The following ERG variants were observed in gnomAD, a reference collection of about 807,000 sequenced individuals.
ERG encodes the protein transcriptional regulator ERG.
Under a neutral mutation model 55.3 loss-of-function variants are expected in ERG, and 9 were observed. The ratio of observed to expected loss-of-function variants is 0.16; its 90% CI spans 0.10 to 0.28. ERG has a LOEUF of 0.28. Among genes scored for constraint, ERG ranks in the 10% least tolerant of loss-of-function variants. The pLI, the probability that ERG is intolerant of heterozygous loss-of-function variation, is 1.00. For synonymous variants in ERG, 223 were observed against 237.3 expected (o/e 0.94, Z 0.55); for missense variants, 434 against 631.6 (o/e 0.69, Z 3.35).
At chr21:38,549,105 T>G (rs1006910371) in intron 2 of ERG, among the ~76,000 whole-genome samples, 11 of 151,808 alleles carry the variant, frequency 7.2e-5, no homozygotes, top group African/African-American at 2.7e-4. Flanking sequence ...AGAGCAAGAC[T>G]CTGTCTCAAA....
At chr21:38,499,499 G>A (rs1443416573), upstream of ERG, among the ~76,000 whole-genome samples, 1 of 152,032 alleles carries the variant, frequency 6.6e-6, no homozygotes, top group Non-Finnish European at 1.5e-5. Flanking sequence ...CCATAAAGAG[G>A]TGTGGTCTCA....
rs193252199 is a variant in ERG, at chr21:38,569,174, C to T, written c.-41+6488G>A. ...TTTTTGATCCCTTCTCTCCCTCCCC[C>T]CCCACCCCCAGTGGGGTACATGGAA... On this transcript the variant is annotated intron_variant, in intron 2 of 8. Transcript: ENST00000398897. Among the ~76,000 whole-genome samples, 63 of 152,346 alleles carry T rather than the reference C, an allele frequency of 4.1e-4. No homozygotes were observed. The East Asian group carries it at 0.011, about 27-fold the overall frequency.
At chr21:38,538,714 A>C (rs2059729487) in intron 2 of ERG, among the ~76,000 whole-genome samples, 1 of 152,174 alleles carries the variant, frequency 6.6e-6, no homozygotes, top group African/African-American at 2.4e-5. Flanking sequence ...ATGACTGGCC[A>C]GCAGGCTGGG....
chr21:38,463,722 C>T (rs908587766), intron 1 of ERG, among the ~76,000 whole-genome samples: 2 of 152,158 alleles, frequency 1.3e-5, no homozygotes, highest in Admixed American at 6.5e-5. Flanking sequence ...GGCCACCCCT[C>T]GTGAGCTGGG....
At position 38,613,459 on chromosome 21, in the gene ERG, G is replaced by T. The variant is rs73440490; in HGVS notation, c.-149-28514C>A. On this transcript the variant is annotated intron_variant, in intron 1 of 10. Coordinates refer to the ERG transcript ENST00000398910. ...AAGCAGTCCTTATAGAAATCATGAC[G>T]TTCTTTTCCTTTGTTTGCAGTAGGT... Among the ~76,000 whole-genome samples the T allele has an allele frequency of 3.2e-3, 485 of 152,290 alleles. 5 individuals are homozygous for T. Among genetic ancestry groups the T allele is most frequent in the African/African-American group, 0.011 (449 of 41,552 alleles).
At chr21:38,649,913 G>A (rs570934345) in intron 1 of ERG, among the ~76,000 whole-genome samples, 5 of 152,302 alleles carry the variant, frequency 3.3e-5, no homozygotes, top group Admixed American at 2.0e-4. Context: ...AATGCTAGAC[G>A]CGAGAACACA....
intron 8 of ERG, among the ~76,000 whole-genome samples, chr21:38,391,268 C>G (rs1797686056): frequency 6.6e-6 from 1 of 152,144 alleles, no homozygotes; most frequent in East Asian, 1.9e-4. Flanking sequence ...TGGATTCAAC[C>G]CCAGGATCCT....
chr21:38,452,444 AT>A, intron 1 of ERG, among the ~76,000 whole-genome samples: 1 of 152,390 alleles, frequency 6.6e-6, no homozygotes, highest in South Asian at 2.1e-4. Context: ...CAGATATACA[AT>A]ACATAATGTA....
At position 38,381,967 on chromosome 21, in the gene ERG, CAT is replaced by C. The variant is rs1351888006; in HGVS notation, c.*1434_*1435del. On this transcript the variant is annotated 3_prime_UTR_variant, in exon 10 of 10. Transcript: ENST00000288319. ...AACACAAAATCCACAACATTCAGCACATGTTTTCATTAAGCAACTTTAGTCAC... is the reference window on the plus strand; with the variant it reads ...AACACAAAATCCACAACATTCAGCACGTTTTCATTAAGCAACTTTAGTCAC... 74 of 1,062,256 alleles carry C rather than the reference CAT, an allele frequency of 7.0e-5. No homozygotes were observed. Among genetic ancestry groups the C allele is most frequent in the Middle Eastern group, 4.2e-4 (1 of 2,388 alleles). 65.8% of individuals were successfully genotyped at this position (1,062,256 alleles called of 1,614,324 possible).
chr21:38,445,818 G>A (rs905822456), intron 1 of ERG, among the ~76,000 whole-genome samples, 197 bp from the exon 2 acceptor site: 3 of 151,966 alleles, frequency 2.0e-5, no homozygotes, highest in Non-Finnish European at 2.9e-5. Context: ...TGCCAGCCTA[G>A]AAAAACTTTT....
rs2059029690 is a variant in ERG, at chr21:38,460,290, C to T, written c.19-14669G>A. Among the ~76,000 whole-genome samples, 2 of 152,174 alleles carry T rather than the reference C, an allele frequency of 1.3e-5. No individual in the cohort carries two copies. Among genetic ancestry groups the T allele is most frequent in the South Asian group, 4.1e-4 (2 of 4,834 alleles). ...GGTGGTAGAGCCTTGCAGGCCATGGCAGGAACCTGGGTGTTGACTCAGAGA... is the reference window on the plus strand; with the variant it reads ...GGTGGTAGAGCCTTGCAGGCCATGGTAGGAACCTGGGTGTTGACTCAGAGA... On this transcript the variant is annotated intron_variant, in intron 1 of 9. Transcript: ENST00000288319. The surrounding 1 kb of genome is among the most constrained non-coding windows in gnomAD (Gnocchi z 5.0).
upstream of ERG, among the ~76,000 whole-genome samples, chr21:38,500,331 C>A (rs1452164151): frequency 6.6e-6 from 1 of 152,222 alleles, no homozygotes; most frequent in Non-Finnish European, 1.5e-5. Context: ...GCTAATCCAG[C>A]CCTCAGTTGT....
intron 1 of ERG, among the ~76,000 whole-genome samples, chr21:38,492,663 A>T (rs1348869338): frequency 6.6e-6 from 1 of 152,206 alleles, no homozygotes; most frequent in Non-Finnish European, 1.5e-5. Flanking sequence ...AAACACAAGC[A>T]AAGCTGGGAG....
intron 2 of ERG, among the ~76,000 whole-genome samples, chr21:38,433,036 G>A (rs1452746721): frequency 6.6e-6 from 1 of 152,192 alleles, no homozygotes; most frequent in African/African-American, 2.4e-5. Context: ...GGGCCCCGTG[G>A]GAGACTTGGA....
intron 1 of ERG, among the ~76,000 whole-genome samples, chr21:38,604,842 G>C (rs923700382): frequency 5.3e-5 from 8 of 152,070 alleles, no homozygotes; most frequent in African/African-American, 1.9e-4. Context: ...ATTTCTATTA[G>C]CCTCACTCAT....
chr21:38,577,749 G>A (rs144047659), intron 1 of ERG, among the ~76,000 whole-genome samples: 242 of 152,304 alleles, frequency 1.6e-3, no homozygotes, highest in African/African-American at 5.3e-3. Flanking sequence ...AAGGGAGGGC[G>A]TCCCACTGCA....
upstream of ERG, among the ~76,000 whole-genome samples, chr21:38,587,556 T>A (rs1353692619): frequency 6.6e-6 from 1 of 152,090 alleles, no homozygotes; most frequent in Non-Finnish European, 1.5e-5. Context: ...CGGGGTTTCA[T>A]CGTGTTAGCC....
intron 2 of ERG, among the ~76,000 whole-genome samples, chr21:38,561,032 A>C (rs942120188): frequency 6.6e-6 from 1 of 151,974 alleles, no homozygotes; most frequent in Non-Finnish European, 1.5e-5. Context: ...GGTTTTTTTT[A>C]ATGTCTTTTT....
At chr21:38,585,525 C>A (rs554750775), upstream of ERG, among the ~76,000 whole-genome samples, 6 of 44,214 alleles carry the variant, frequency 1.4e-4, no homozygotes, top group Non-Finnish European at 3.4e-4. Context: ...CAGTCCCTCT[C>A]TCTCTTCTTT....
Sources: allele counts gnomAD v4.1 joint callset (sites outside exome capture counted in the v4.1 genomes callset), GRCh38; gene constraint gnomAD v4.1.1; non-coding constraint Gnocchi (gnomAD v3.1); transcripts MANE v1.5; gene names NCBI Gene and HGNC (gene_info 2026-07-23, HGNC 2026-07-21).